The following URI1 variants were observed in gnomAD, a reference collection of about 807,000 sequenced individuals.
The protein encoded by URI1 is unconventional prefoldin RPB5 interactor 1.
In URI1, 39 loss-of-function variants were observed where a neutral mutation model predicts 60.2. That is an observed-to-expected ratio of 0.65 (90% CI 0.50 to 0.85). URI1 has a LOEUF of 0.85. Ranked by LOEUF, URI1 falls within the 40% of genes least tolerant of loss-of-function variation. The probability of loss-of-function intolerance (pLI) is 0.00; values close to 1 mark genes in which losing one functional copy is unlikely to be tolerated. For missense variants in URI1, 691 were observed against 665.9 expected, an observed-to-expected ratio of 1.04 and a Z score of -0.42; for synonymous variants, 251 against 236.8, an observed-to-expected ratio of 1.06 and a Z score of -0.55.
chr19:29,970,551 T>G (rs1236805193), intron 1 of URI1, among the ~76,000 whole-genome samples: 4 of 152,084 alleles, frequency 2.6e-5, no homozygotes, highest in Non-Finnish European at 5.9e-5. Flanking sequence ...GTACTTAAAT[T>G]CATTGTTTTA....
intron 9 of URI1, 54 bp downstream of exon 9, chr19:30,011,290 C>T (rs2056015941): frequency 3.3e-6 from 5 of 1,537,368 alleles, no homozygotes; most frequent in Non-Finnish European, 4.4e-6. Flanking sequence ...TCTCTTTCTG[C>T]CACTGAACCT....
chr19:29,982,409 TG>T (rs2055610353), intron 2 of URI1, among the ~76,000 whole-genome samples: 3 of 152,038 alleles, frequency 2.0e-5, no homozygotes, highest in African/African-American at 2.4e-5. Flanking sequence ...GTGAGGAAGT[TG>T]TTTTTTTTTC....
chr19:29,975,847 T>A (rs1436142371), intron 2 of URI1, among the ~76,000 whole-genome samples: 1 of 152,168 alleles, frequency 6.6e-6, no homozygotes, highest in Admixed American at 6.5e-5. Context: ...TTTACCAATT[T>A]CTCATAAATC....
At position 30,014,995 on chromosome 19, in the gene URI1, C is replaced by G; in HGVS notation, c.1534C>G (p.Leu512Val). The change falls in exon 11 of 11, where the codon CTG (leucine) becomes GTG (valine). Residue 512 changes from leucine to valine, a missense_variant. Physicochemically the swap from Leu to Val is conservative, Grantham distance 32 (BLOSUM62 1). Transcript: ENST00000392271. ...CACTATTCCAGAACGAAAGGAAGTT[C>G]TGTTGGAAGCATCTGAAGAAACTGG... ...LPTIPERKEV[L>V]LEASEETGKR... The G allele has an allele frequency of 6.2e-7, 1 of 1,613,850 alleles. No individual in the cohort carries two copies. Among genetic ancestry groups the G allele is most frequent in the South Asian group, 1.1e-5 (1 of 91,064 alleles).
intron 4 of URI1, among the ~76,000 whole-genome samples, chr19:29,998,651 A>G (rs931420797): frequency 4.6e-5 from 7 of 152,092 alleles, no homozygotes; most frequent in Non-Finnish European, 7.4e-5. Context: ...TACTATTGGT[A>G]TGGAATATCT....
At chr19:29,971,158 G>A in intron 1 of URI1, 35 bp from the exon 2 acceptor site, 1 of 1,609,778 alleles carries the variant, frequency 6.2e-7, no homozygotes, top group Non-Finnish European at 8.5e-7. Context: ...GCATAGCTCT[G>A]TTTTTTCATG....
chr19:29,955,489 A>G (rs553223254), intron 1 of URI1, among the ~76,000 whole-genome samples: 1 of 152,204 alleles, frequency 6.6e-6, no homozygotes, highest in Non-Finnish European at 1.5e-5. Flanking sequence ...AGCTTTATCC[A>G]TATTTATAAC....
In URI1 at chr19:30,009,225, G is replaced by T. The variant is rs1052116322; in HGVS notation, c.907G>T (p.Asp303Tyr). The T allele has an allele frequency of 6.2e-7, 1 of 1,613,122 alleles. No individual in the cohort carries two copies. Among genetic ancestry groups the T allele is most frequent in the African/African-American group, 1.3e-5 (1 of 74,868 alleles). Residue 303 changes from aspartate to tyrosine, a missense_variant, in exon 8 of 11, where the codon GAT (aspartate) becomes TAT (tyrosine). Coordinates refer to ENST00000392271, the MANE Select transcript of URI1 (RefSeq NM_003796.3). ...SSSYHSDDDD[D>Y]DDDDDDDDNI... ...TTCTTACCACAGTGATGATGATGAT[G>T]ATGATGATGATGACGACGACGACGA...
chr19:29,980,612 TAAAAAAAA>T (rs71333427), intron 2 of URI1, among the ~76,000 whole-genome samples: 1 of 73,860 alleles, frequency 1.4e-5, no homozygotes, highest in Non-Finnish European at 2.2e-5. Flanking sequence ...TTTTTTTTCT[TAAAAAAAA>T]AAAAAAAAAA....
At chr19:29,947,317 A>G (rs888030595) in intron 1 of URI1, among the ~76,000 whole-genome samples, 1 of 152,226 alleles carries the variant, frequency 6.6e-6, no homozygotes, top group Non-Finnish European at 1.5e-5. Context: ...GCATTGTGAT[A>G]GATGTTTACA....
At chr19:30,010,237 A>C (rs2056000800) in intron 8 of URI1, among the ~76,000 whole-genome samples, 1 of 152,156 alleles carries the variant, frequency 6.6e-6, no homozygotes, top group Non-Finnish European at 1.5e-5. Flanking sequence ...TATCATTCTT[A>C]AGTGTGTGTG....
chr19:29,940,790 T>C (rs1281509226), upstream of URI1, among the ~76,000 whole-genome samples: 1 of 152,128 alleles, frequency 6.6e-6, no homozygotes, highest in Non-Finnish European at 1.5e-5. Context: ...CAGGACTATG[T>C]GGTCGCGGGT....
intron 4 of URI1, among the ~76,000 whole-genome samples, chr19:29,988,442 C>T (rs1010490457): frequency 1.3e-5 from 2 of 152,190 alleles, no homozygotes; most frequent in Non-Finnish European, 2.9e-5. Context: ...AGATACTGCT[C>T]TCAGGACTCA....
intron 4 of URI1, among the ~76,000 whole-genome samples, chr19:29,989,205 G>A (rs965578800): frequency 6.6e-6 from 1 of 151,492 alleles, no homozygotes; most frequent in Non-Finnish European, 1.5e-5. Flanking sequence ...TAGCCTCCGA[G>A]GTTCGAGCAA....
intron 4 of URI1, among the ~76,000 whole-genome samples, chr19:29,988,193 G>A (rs1040004261): frequency 2.7e-5 from 4 of 150,224 alleles, no homozygotes; most frequent in African/African-American, 4.9e-5. Flanking sequence ...ATTACGTAAA[G>A]CTCTTTTATT....
chr19:29,934,540 T>C (rs1458372206), intron 1 of URI1, among the ~76,000 whole-genome samples: 1 of 151,626 alleles, frequency 6.6e-6, no homozygotes, highest in Non-Finnish European at 1.5e-5. Context: ...TTCAGATCTC[T>C]TCTTCTCTGT....
At chr19:30,000,834 T>G (rs1784431992) in intron 4 of URI1, among the ~76,000 whole-genome samples, 1 of 152,018 alleles carries the variant, frequency 6.6e-6, no homozygotes, top group East Asian at 1.9e-4. Context: ...CGTGGGAAAT[T>G]TATATTAGTA....
Position 29,968,602 on chromosome 19 carries a change from CCTT to C in URI1, c.118-2588_118-2586del, listed in dbSNP as rs1481145342. Reference sequence around the variant, plus strand: ...TTTTTTTTTTTTTGAGATGGAGTCTCCTTCTGTTGTCCAGGCTGGAGTGCAGTG... The same window carrying C: ...TTTTTTTTTTTTTGAGATGGAGTCTCCTGTTGTCCAGGCTGGAGTGCAGTG... On this transcript the variant is annotated intron_variant, in intron 1 of 10. Transcript: ENST00000392271. Among the ~76,000 whole-genome samples, 129 of 97,676 alleles carry C rather than the reference CCTT, an allele frequency of 1.3e-3. 1 individual carries two copies. The highest frequency in any genetic ancestry group is 4.8e-3 in the African/African-American group (121 of 25,242). The allele number at this position is 97,676 out of a possible 152,430, so 64.1% of individuals were successfully genotyped here. A position where few individuals can be genotyped will look rare whatever the true frequency, so the allele number is the denominator to read the frequency against.
At chr19:29,999,813 C>G (rs535747645) in intron 4 of URI1, among the ~76,000 whole-genome samples, 2 of 152,080 alleles carry the variant, frequency 1.3e-5, no homozygotes, top group African/African-American at 4.8e-5. Context: ...TAAATAACCA[C>G]AAACCATCTT....
Sources: allele counts gnomAD v4.1 joint callset (sites outside exome capture counted in the v4.1 genomes callset), GRCh38; gene constraint gnomAD v4.1.1; transcripts MANE v1.5; gene names NCBI Gene and HGNC (gene_info 2026-07-23, HGNC 2026-07-21).